Variants in WSCD2 observed in about 807,000 individuals in gnomAD.
WSCD2 encodes the protein WSC domain sialate O sulfotransferase 2, also known as sialate:O-sulfotransferase 2.
A neutral mutation model predicts 55.7 loss-of-function variants in WSCD2; 28 were observed. The observed-to-expected ratio is 0.50, with a 90% CI of 0.37 to 0.69. WSCD2 has a LOEUF of 0.69. WSCD2 is among the 30% of genes least tolerant of loss of function. The pLI, the probability that WSCD2 is intolerant of heterozygous loss-of-function variation, is 0.00. For synonymous variants in WSCD2, 301 were observed against 301.9 expected, an observed-to-expected ratio of 1.00 and a Z score of 0.03; for missense variants, 616 against 762.1, an observed-to-expected ratio of 0.81 and a Z score of 2.26.
rs1887893947 is a variant in WSCD2, at chr12:108,224,772, G to A, written c.716G>A (p.Arg239Lys). The part of the protein sequence containing the change: ...GSAVFRGCFR[R>K]PDNLSLALPV... The stretch of plus-strand genomic sequence containing the variant: ...GCAGTGTTCCGGGGCTGCTTCCGCA[G>A]GCCCGACAACCTTTCCCTGGCCTTA... The change falls in exon 5 of 9, where the codon AGG (arginine) becomes AAG (lysine). Residue 239 changes from arginine to lysine, a missense_variant. By Grantham distance (26) the Arg-to-Lys change is conservative. Coordinates refer to ENST00000547525, the MANE Select transcript of WSCD2 (RefSeq NM_014653.4). The A allele has an allele frequency of 1.2e-6, 2 of 1,613,498 alleles. No individual in the cohort carries two copies. The highest frequency in any genetic ancestry group is 2.2e-5 in the East Asian group (1 of 44,888).
At chr12:108,232,249 T>C (rs545445301) in intron 6 of WSCD2, among the ~76,000 whole-genome samples, 42 of 152,240 alleles carry the variant, frequency 2.8e-4, no homozygotes, top group African/African-American at 9.9e-4. Context: ...ATCTGTAAAA[T>C]GGGTTGGGAG....
At chr12:108,184,235 CAA>C (rs1380189343) in intron 1 of WSCD2, among the ~76,000 whole-genome samples, 1 of 152,138 alleles carries the variant, frequency 6.6e-6, no homozygotes, top group African/African-American at 2.4e-5. Context: ...TCCAAGGGCA[CAA>C]GGTTCTCCGG....
chr12:108,209,958 T>G (rs1055842448), intron 3 of WSCD2, among the ~76,000 whole-genome samples, 163 bp from the exon 4 acceptor site: 1 of 152,074 alleles, frequency 6.6e-6, no homozygotes, highest in Non-Finnish European at 1.5e-5. Context: ...TCCTGTCCCC[T>G]GGGGTCTCCC....
In WSCD2 at chr12:108,240,232, T is replaced by C; in HGVS notation, c.1145-112T>C. 5 of 1,346,298 alleles carry C rather than the reference T, an allele frequency of 3.7e-6. No homozygotes were observed. The South Asian group carries it at 6.5e-5, about 17-fold the overall frequency. 83.4% of individuals were successfully genotyped at this position (1,346,298 alleles called of 1,614,324 possible). A position where few individuals can be genotyped will look rare whatever the true frequency, so the allele number is the denominator to read the frequency against. ...AGTAGGTGCTCAATAAATACGCGAA[T>C]GACTGAGTGAACAAATGCATGAGGA... On this transcript the variant is annotated intron_variant, in intron 7 of 8. Coordinates refer to ENST00000547525, the MANE Select transcript of WSCD2 (RefSeq NM_014653.4).
rs1470409822 is a variant in WSCD2, at chr12:108,250,102, G to C, written c.*1759G>C. 1 of 151,982 alleles carries C rather than the reference G, an allele frequency of 6.6e-6. No individual in the cohort carries two copies. Among genetic ancestry groups the C allele is most frequent in the African/African-American group, 2.4e-5 (1 of 41,336 alleles). 9.4% of individuals were successfully genotyped at this position (151,982 alleles called of 1,614,324 possible). A position where few individuals can be genotyped will look rare whatever the true frequency, so the allele number is the denominator to read the frequency against. On this transcript the variant is annotated 3_prime_UTR_variant, in exon 9 of 9. Transcript: ENST00000547525. ...AGGTCAACACCATCATTAAATGCGA[G>C]TTTTGTTGATGATTCTACCATGTGG...
At chr12:108,220,622 T>G (rs1490709453) in intron 4 of WSCD2, among the ~76,000 whole-genome samples, 1 of 152,200 alleles carries the variant, frequency 6.6e-6, no homozygotes, top group East Asian at 1.9e-4. Context: ...CTCGACTGCC[T>G]GGGCTCAAGC....
intron 2 of WSCD2, among the ~76,000 whole-genome samples, chr12:108,197,947 C>T (rs1261484962): frequency 2.0e-5 from 3 of 146,452 alleles, no homozygotes; most frequent in East Asian, 2.0e-4. Context: ...GATGCCGTCT[C>T]CCCAGATGTT....
chr12:108,241,032 G>T (rs1889702535), intron 8 of WSCD2, among the ~76,000 whole-genome samples: 1 of 152,142 alleles, frequency 6.6e-6, no homozygotes, highest in Non-Finnish European at 1.5e-5. Context: ...CCCCACCCTG[G>T]GAGTCGAGAG....
At chr12:108,232,968 G>T in intron 7 of WSCD2, 73 bp downstream of exon 7, 1 of 1,561,428 alleles carries the variant, frequency 6.4e-7, no homozygotes, top group South Asian at 1.2e-5. Flanking sequence ...GAGGGTATGG[G>T]AATACTCCTC....
At chr12:108,247,890 C>A in intron 8 of WSCD2, 101 bp from the exon 9 acceptor site, 1 of 1,251,986 alleles carries the variant, frequency 8.0e-7, no homozygotes, top group South Asian at 1.4e-5. Context: ...ATTGTGTTAC[C>A]GTGTTGTGCT....
At chr12:108,163,889 C>T (rs1005245004) in intron 1 of WSCD2, among the ~76,000 whole-genome samples, 1 of 152,022 alleles carries the variant, frequency 6.6e-6, no homozygotes, top group African/African-American at 2.4e-5. Context: ...TCATATGTTA[C>T]TGCAGCCACA....
chr12:108,223,471 G>A (rs1010916564), intron 4 of WSCD2, among the ~76,000 whole-genome samples: 1 of 152,122 alleles, frequency 6.6e-6, no homozygotes, highest in Admixed American at 6.5e-5. Context: ...TCCACTTTCA[G>A]TAGAATTCCA....
intron 1 of WSCD2, among the ~76,000 whole-genome samples, chr12:108,177,791 C>T (rs146600332): frequency 2.8e-3 from 425 of 152,106 alleles, no homozygotes; most frequent in African/African-American, 9.7e-3. Context: ...ATGTACAAAG[C>T]TAACCTATGG....
At chr12:108,183,053 G>A (rs766196201) in intron 1 of WSCD2, among the ~76,000 whole-genome samples, 6 of 152,158 alleles carry the variant, frequency 3.9e-5, no homozygotes, top group Non-Finnish European at 7.3e-5. Flanking sequence ...TCCATTAGGT[G>A]CAGGCCAGGG....
chr12:108,196,294 T>G, intron 2 of WSCD2, 80 bp downstream of exon 2: 1 of 1,470,696 alleles, frequency 6.8e-7, no homozygotes, highest in Non-Finnish European at 9.0e-7. Flanking sequence ...AGCTGTCAGT[T>G]TTCAGTGTTT....
Position 108,210,330 on chromosome 12 carries a change from T to C in WSCD2, c.682+25T>C. The C allele has an allele frequency of 6.5e-7, 1 of 1,543,948 alleles. No homozygotes were observed. The highest frequency in any genetic ancestry group is 2.4e-5 in the East Asian group (1 of 41,468). ...TGTACGTGAGTCTGCCCTGCCCCTC[T>C]CTGCTGCTCCTCCCTCAGCTGCAGC... On this transcript the variant is annotated intron_variant, in intron 4 of 8. Transcript: ENST00000547525. This position sits in a 1 kb window ranked among gnomAD's most constrained non-coding sequence, Gnocchi z 4.3.
intron 6 of WSCD2, among the ~76,000 whole-genome samples, chr12:108,229,824 G>A (rs975043727): frequency 6.6e-6 from 1 of 151,110 alleles, no homozygotes; most frequent in Admixed American, 6.6e-5. Context: ...TAAGGAGCCT[G>A]GTCTGCCCCA....
At chr12:108,239,438 T>C (rs1031686400) in intron 7 of WSCD2, among the ~76,000 whole-genome samples, 1 of 152,220 alleles carries the variant, frequency 6.6e-6, no homozygotes, top group East Asian at 1.9e-4. Flanking sequence ...GTCTATTCTA[T>C]GTGTCTGTCA....
intron 1 of WSCD2, among the ~76,000 whole-genome samples, chr12:108,150,883 A>G (rs568855726): frequency 3.9e-4 from 59 of 152,242 alleles, no homozygotes; most frequent in African/African-American, 1.4e-3. Context: ...TGGAGCCTTC[A>G]GGAGCCAGCC....
Sources: gnomAD v4.1 joint callset for allele counts (sites outside exome capture counted in the v4.1 genomes callset) on GRCh38, gnomAD v4.1.1 for gene constraint, Gnocchi (gnomAD v3.1) non-coding constraint, MANE v1.5 for transcripts, NCBI Gene and HGNC (gene_info 2026-07-23, HGNC 2026-07-21) for gene names.